PCDHA1: variants seen among roughly 807,000 people sequenced by gnomAD.
PCDHA1 encodes the protein protocadherin alpha 1.
In PCDHA1, 42 loss-of-function variants were observed where a neutral mutation model predicts 61.3. The ratio of observed to expected loss-of-function variants is 0.69; its 90% CI spans 0.54 to 0.89. The LOEUF (loss-of-function observed/expected upper bound fraction) is 0.89, where lower values mean the gene tolerates loss of function less well. Ranked by LOEUF, PCDHA1 falls within the 40% of genes least tolerant of loss-of-function variation. PCDHA1 has a pLI of 0.00. For synonymous variants in PCDHA1, 610 were observed against 553.8 expected (o/e 1.10, Z -1.43); for missense variants, 1,256 against 1,235.3 (o/e 1.02, Z -0.25).
Position 140,848,783 on chromosome 5 carries a change from C to A in PCDHA1, c.2394+60099C>A, listed in dbSNP as rs2150420389. 1.5e-5 allele frequency: 24 copies of A among 1,593,092 alleles called. 2 individuals carry two copies. The highest frequency in any genetic ancestry group is 2.2e-5 in the East Asian group (1 of 44,812). On this transcript the variant is annotated intron_variant, in intron 1 of 3. Transcript: ENST00000504120. ...CTCGGATCGACCGCGAGGAGCTGTG[C>A]GGGCGGAGCGCGGAGTGCAGCATCC... is the stretch of plus-strand genomic sequence containing the variant.
At position 140,829,914 on chromosome 5, in the gene PCDHA1, C is replaced by G. The variant is rs2150177647; in HGVS notation, c.2394+41230C>G. ...GACTCAGGCTACAACGCGTGGCTTT[C>G]GTATGAGCTGCAGCCCCCGGCAAGC... On this transcript the variant is annotated intron_variant, in intron 1 of 3. Coordinates refer to ENST00000504120, the MANE Select transcript of PCDHA1 (RefSeq NM_018900.4). The G allele has an allele frequency of 6.2e-7, 1 of 1,613,998 alleles. No homozygotes were observed.
At chr5:140,801,086 T>A in intron 1 of PCDHA1, 1 of 1,489,776 alleles carries the variant, frequency 6.7e-7, no homozygotes, top group Non-Finnish European at 8.9e-7. Flanking sequence ...CTTTGCTTCA[T>A]CCTCTCTAAA....
intron 1 of PCDHA1, among the ~76,000 whole-genome samples, chr5:140,897,443 G>GT (rs1562897655): frequency 6.7e-6 from 1 of 149,986 alleles, no homozygotes; most frequent in Non-Finnish European, 1.5e-5. Flanking sequence ...GCAGTGTTTG[G>GT]TTTTTTGTCC....
At chr5:140,996,094 T>C (rs1428375932) in intron 3 of PCDHA1, among the ~76,000 whole-genome samples, 1 of 152,192 alleles carries the variant, frequency 6.6e-6, no homozygotes, top group Non-Finnish European at 1.5e-5. Flanking sequence ...CTAGATTACA[T>C]GGAATGGTAT....
chr5:140,815,646 A>G (rs1765773592), intron 1 of PCDHA1: 1 of 152,016 alleles, frequency 6.6e-6, no homozygotes, highest in South Asian at 2.1e-4. Context: ...TTCTGTTTTT[A>G]TCTATATATT....
intron 1 of PCDHA1, chr5:140,788,960 T>A (rs1554118350): frequency 1.9e-6 from 1 of 533,010 alleles, no homozygotes; most frequent in Non-Finnish European, 3.0e-6. Context: ...ATGTTGGTCA[T>A]ATTTAACACA....
intron 1 of PCDHA1, among the ~76,000 whole-genome samples, chr5:140,941,319 C>CTT (rs70988781): frequency 9.6e-6 from 1 of 104,394 alleles, no homozygotes; most frequent in African/African-American, 3.7e-5. Flanking sequence ...TCTTCTTTCT[C>CTT]TTTTTTTTTT....
chr5:140,788,085 G>T lies in PCDHA1; in HGVS notation c.1795G>T (p.Ala599Ser). Residue 599 changes from alanine (A) to serine (S), a missense_variant, in exon 1 of 4, where the codon GCC (alanine) becomes TCC (serine). By Grantham distance (99) the Ala-to-Ser change is moderately conservative. Coordinates refer to ENST00000504120, the MANE Select transcript of PCDHA1 (RefSeq NM_018900.4). ...GGTGGCGAAGGTGCGCGCAGTGGAC[G>T]CCGACTCGGGCTACAACGCGTGGCT... ...HVVAKVRAVDADSGYNAWLSY... is the reference protein window; with the variant it reads ...HVVAKVRAVDSDSGYNAWLSY... 3.7e-6 allele frequency: 6 copies of T among 1,613,992 alleles called. No homozygotes were observed. Among genetic ancestry groups the T allele is most frequent in the Non-Finnish European group, 5.1e-6 (6 of 1,179,898 alleles).
At chr5:140,794,713 C>T in intron 1 of PCDHA1, 1 of 460,694 alleles carries the variant, frequency 2.2e-6, no homozygotes, top group Non-Finnish European at 3.8e-6. Flanking sequence ...AAGATGAAAG[C>T]TATGAGTAAA....
chr5:140,861,480 T>G, intron 1 of PCDHA1: 1 of 490,608 alleles, frequency 2.0e-6, no homozygotes, highest in Non-Finnish European at 4.2e-6. Flanking sequence ...GAATGGCATT[T>G]TTGTGAGTTC....
chr5:140,966,934 G>T, intron 1 of PCDHA1: 1 of 1,604,080 alleles, frequency 6.2e-7, no homozygotes, highest in Non-Finnish European at 8.5e-7. Context: ...CACCCGGCGC[G>T]CTCGTGGGCA....
intron 1 of PCDHA1, among the ~76,000 whole-genome samples, chr5:140,885,350 G>C (rs1050079674): frequency 6.6e-6 from 1 of 152,108 alleles, no homozygotes; most frequent in African/African-American, 2.4e-5. Context: ...ATTTCCAAAA[G>C]GTACTGGTGA....
At chr5:140,980,684 GAAAA>G (rs782726576) in intron 2 of PCDHA1, among the ~76,000 whole-genome samples, 3 of 145,064 alleles carry the variant, frequency 2.1e-5, no homozygotes, top group Non-Finnish European at 4.6e-5. Flanking sequence ...TTTTCAAATT[GAAAA>G]AAAAAAGCCA....
intron 1 of PCDHA1, chr5:140,871,155 C>A (rs782509939): frequency 3.0e-5 from 48 of 1,613,366 alleles, no homozygotes; most frequent in Non-Finnish European, 3.9e-5. Context: ...CTTTGGCGGG[C>A]GCCGCGAGCC....
At chr5:140,832,603 C>G (rs2150202757) in intron 1 of PCDHA1, among the ~76,000 whole-genome samples, 1 of 152,244 alleles carries the variant, frequency 6.6e-6, no homozygotes, top group South Asian at 2.1e-4. Context: ...TATAGCGTTG[C>G]TAGTGAGTAA....
intron 1 of PCDHA1, chr5:140,859,682 A>G (rs2045965984): frequency 6.5e-6 from 1 of 154,852 alleles, no homozygotes; most frequent in Admixed American, 6.4e-5. Context: ...AAATAAAATT[A>G]AAATTATTGT....
intron 1 of PCDHA1, chr5:140,801,573 A>G: frequency 1.2e-6 from 2 of 1,614,270 alleles, no homozygotes; most frequent in South Asian, 2.2e-5. Context: ...AGTGAAGGAC[A>G]TTAATGACAA....
chr5:140,956,953 C>G (rs1347983778), intron 1 of PCDHA1, among the ~76,000 whole-genome samples: 1 of 135,202 alleles, frequency 7.4e-6, no homozygotes, highest in Non-Finnish European at 1.7e-5. Flanking sequence ...CATTAAAACA[C>G]TGTAATTAAT....
chr5:140,862,602 C>T (rs2047444114), intron 1 of PCDHA1: 2 of 514,424 alleles, frequency 3.9e-6, no homozygotes, highest in South Asian at 3.0e-5. Flanking sequence ...ACATGGTGTT[C>T]GTGAAAGGTA....
Sources: allele counts gnomAD v4.1 joint callset (sites outside exome capture counted in the v4.1 genomes callset), GRCh38; gene constraint gnomAD v4.1.1; transcripts MANE v1.5; gene names NCBI Gene and HGNC (gene_info 2026-07-23, HGNC 2026-07-21).